The following RBFOX1 variants were observed in gnomAD, a reference collection of about 807,000 sequenced individuals.
RBFOX1 encodes RNA binding protein fox-1 homolog 1.
In RBFOX1, 8 loss-of-function variants were observed where a neutral mutation model predicts 57.7. The ratio of observed to expected loss-of-function variants is 0.14; its 90% CI spans 0.08 to 0.25. The LOEUF (loss-of-function observed/expected upper bound fraction) is 0.25, where lower values mean the gene tolerates loss of function less well. Ranked by LOEUF, RBFOX1 falls within the 10% of genes least tolerant of loss-of-function variation. The pLI is 1.00. For synonymous variants in RBFOX1, 326 were observed against 222.4 expected, an observed-to-expected ratio of 1.47 and a Z score of -4.15; for missense variants, 611 against 548.5, an observed-to-expected ratio of 1.11 and a Z score of -1.14.
intron 3 of RBFOX1, among the ~76,000 whole-genome samples, chr16:5,866,432 C>A (rs17138773): frequency 1.3e-5 from 2 of 152,144 alleles, no homozygotes; most frequent in Non-Finnish European, 2.9e-5. Context: ...TCCAAGTAGT[C>A]AGATAGGACA....
chr16:5,749,617 G>C (rs2053117861), intron 3 of RBFOX1, among the ~76,000 whole-genome samples: 1 of 151,998 alleles, frequency 6.6e-6, no homozygotes, highest in Non-Finnish European at 1.5e-5. Context: ...TCATTCATTT[G>C]ATCTTCAATC....
intron 1 of RBFOX1, among the ~76,000 whole-genome samples, chr16:6,076,983 C>T (rs1278591632): frequency 6.6e-6 from 1 of 152,120 alleles, no homozygotes; most frequent in African/African-American, 2.4e-5. Flanking sequence ...GGATCATCAT[C>T]CCTGGAGCTT....
intron 1 of RBFOX1, among the ~76,000 whole-genome samples, chr16:6,080,207 T>A (rs1033573084): frequency 2.0e-5 from 3 of 152,186 alleles, no homozygotes; most frequent in African/African-American, 7.2e-5. Flanking sequence ...CCCTTGGCGC[T>A]GATCCGTGGT....
chr16:7,330,453 C>A (rs1470947518), intron 4 of RBFOX1, among the ~76,000 whole-genome samples: 2 of 114,908 alleles, frequency 1.7e-5, no homozygotes, highest in South Asian at 7.0e-4. Flanking sequence ...GGATGTGGAA[C>A]CCCAGAATAT....
At chr16:7,099,053 C>T (rs1246818941) in intron 4 of RBFOX1, among the ~76,000 whole-genome samples, 3 of 152,122 alleles carry the variant, frequency 2.0e-5, no homozygotes, top group Non-Finnish European at 4.4e-5. Context: ...ACAAACTATC[C>T]TTGCATAGTA....
intron 4 of RBFOX1, among the ~76,000 whole-genome samples, chr16:5,886,623 C>G (rs2151926905): frequency 6.6e-6 from 1 of 152,342 alleles, no homozygotes; most frequent in South Asian, 2.1e-4. Context: ...CGCGGTGGCT[C>G]ACGCCTGTCA....
chr16:5,478,916 G>C (rs1276317309), intron 2 of RBFOX1, among the ~76,000 whole-genome samples: 3 of 152,186 alleles, frequency 2.0e-5, no homozygotes, highest in African/African-American at 7.2e-5. Context: ...TTAGGGATGA[G>C]GGCAGAGGTG....
intron 14 of RBFOX1, among the ~76,000 whole-genome samples, chr16:7,708,261 A>G (rs1363705411): frequency 6.6e-6 from 1 of 152,030 alleles, no homozygotes; most frequent in Non-Finnish European, 1.5e-5. Flanking sequence ...AAAAAAGTTA[A>G]CTTCCAGATA....
intron 3 of RBFOX1, among the ~76,000 whole-genome samples, chr16:6,934,547 A>G (rs550727724): frequency 1.3e-3 from 202 of 152,260 alleles, no homozygotes; most frequent in African/African-American, 4.4e-3. Flanking sequence ...TTTGGACATA[A>G]AAAGAAGGAA....
At chr16:6,893,724 T>C (rs1014737468) in intron 3 of RBFOX1, among the ~76,000 whole-genome samples, 7 of 152,242 alleles carry the variant, frequency 4.6e-5, no homozygotes, top group Admixed American at 3.9e-4. Context: ...TAATTTGTGA[T>C]GAATTTTCAT....
At chr16:7,477,622 C>G (rs1169240139) in intron 4 of RBFOX1, among the ~76,000 whole-genome samples, 1 of 152,192 alleles carries the variant, frequency 6.6e-6, no homozygotes, top group East Asian at 1.9e-4. Context: ...GACCCCCAAG[C>G]TGCTCTCACC....
chr16:5,515,000 C>A (rs751353737), intron 2 of RBFOX1, among the ~76,000 whole-genome samples: 5 of 152,070 alleles, frequency 3.3e-5, no homozygotes, highest in Non-Finnish European at 7.4e-5. Context: ...GAAGGGGAAG[C>A]AGGAATGTTA....
intron 4 of RBFOX1, among the ~76,000 whole-genome samples, chr16:7,068,257 C>T (rs920135104): frequency 6.6e-6 from 1 of 152,108 alleles, no homozygotes; most frequent in African/African-American, 2.4e-5. Flanking sequence ...AAAATCATGC[C>T]ACACTAGTTA....
intron 2 of RBFOX1, among the ~76,000 whole-genome samples, chr16:6,490,400 G>A (rs752150394): frequency 6.6e-6 from 1 of 152,170 alleles, no homozygotes; most frequent in African/African-American, 2.4e-5. Context: ...TCAAGAATAT[G>A]TATGGGTTTG....
chr16:6,595,458 G>T (rs1210001295), intron 2 of RBFOX1, among the ~76,000 whole-genome samples: 2 of 152,006 alleles, frequency 1.3e-5, no homozygotes, highest in Non-Finnish European at 2.9e-5. Context: ...TCCATTCATT[G>T]GTTGTCAAAC....
rs548631340 is a variant in RBFOX1 at position 6,654,698 on chromosome 16, C to A, written c.-16+48C>A. ...TAGGGTTGCAAACAAAACAAGAACT[C>A]TGTGAATTGAACCCAGGTGTTTAAG... On this transcript the variant is annotated intron_variant, in intron 3 of 15. Transcript: ENST00000550418. 403 of 1,415,764 alleles carry A rather than the reference C, an allele frequency of 2.8e-4. 3 individuals carry two copies. Among genetic ancestry groups the A allele is most frequent in the Non-Finnish European group, 3.6e-5 (38 of 1,064,522 alleles). The allele number at this position is 1,415,764 out of a possible 1,614,324, so 87.7% of individuals were successfully genotyped here.
chr16:6,875,340 C>G lies in RBFOX1; in HGVS notation c.-15-176717C>G, dbSNP rs192313243. On this transcript the variant is annotated intron_variant, in intron 3 of 15. Coordinates refer to ENST00000550418, the MANE Select transcript of RBFOX1 (RefSeq NM_018723.4). ...GAGAAACATTTATATTTTAATCTGTCCTTTATACACAGCTTTGACCTCTCC... is the reference window on the plus strand; with the variant it reads ...GAGAAACATTTATATTTTAATCTGTGCTTTATACACAGCTTTGACCTCTCC... Among the ~76,000 whole-genome samples the G allele has an allele frequency of 2.5e-3, 382 of 152,186 alleles. 3 individuals carry two copies. The highest frequency in any genetic ancestry group is 6.9e-4 in the Non-Finnish European group (47 of 68,004).
At chr16:6,337,595 C>A (rs940113757) in intron 2 of RBFOX1, among the ~76,000 whole-genome samples, 1 of 152,174 alleles carries the variant, frequency 6.6e-6, no homozygotes, top group African/African-American at 2.4e-5. Flanking sequence ...CCAGTAGAGG[C>A]AGATATATAG....
At chr16:7,696,882 G>C (rs997456306) in intron 14 of RBFOX1, among the ~76,000 whole-genome samples, 1 of 152,106 alleles carries the variant, frequency 6.6e-6, no homozygotes, top group Non-Finnish European at 1.5e-5. Context: ...CATACAGCAG[G>C]TGCAGAGACC....
Sources: gnomAD v4.1 joint callset for allele counts (sites outside exome capture counted in the v4.1 genomes callset) on GRCh38, gnomAD v4.1.1 for gene constraint, MANE v1.5 for transcripts, NCBI Gene and HGNC (gene_info 2026-07-23, HGNC 2026-07-21) for gene names.